ELAPOR2: variants seen among roughly 807,000 people sequenced by gnomAD.
ELAPOR2 encodes the protein endosome/lysosome-associated apoptosis and autophagy regulator family member 2.
ELAPOR2 carries 89 observed loss-of-function variants against 120.7 expected under a neutral mutation model. That is an observed-to-expected ratio of 0.74 (90% CI 0.62 to 0.88). The LOEUF (loss-of-function observed/expected upper bound fraction) is 0.88, where lower values mean the gene tolerates loss of function less well. Among genes scored for constraint, ELAPOR2 ranks in the 40% least tolerant of loss-of-function variants. The pLI is 0.00. For synonymous variants in ELAPOR2, 444 were observed against 444.9 expected, an observed-to-expected ratio of 1.00 and a Z score of 0.03; for missense variants, 1,134 against 1,251.6, an observed-to-expected ratio of 0.91 and a Z score of 1.42.
intron 1 of ELAPOR2, among the ~76,000 whole-genome samples, chr7:87,019,924 A>G (rs995515656): frequency 6.6e-6 from 1 of 152,328 alleles, no homozygotes; most frequent in Non-Finnish European, 1.5e-5. Context: ...ATTATGTTAC[A>G]CCAATATAAC....
At chr7:87,021,512 G>A (rs1461840508) in intron 1 of ELAPOR2, among the ~76,000 whole-genome samples, 1 of 147,328 alleles carries the variant, frequency 6.8e-6, no homozygotes, top group African/African-American at 2.7e-5. Context: ...TCTTAAAAAT[G>A]TGGGTTGTTT....
chr7:87,040,059 C>T (rs1310206082), intron 1 of ELAPOR2, among the ~76,000 whole-genome samples: 4 of 152,202 alleles, frequency 2.6e-5, no homozygotes, highest in South Asian at 2.1e-4. Flanking sequence ...TGCGCTTTTC[C>T]GACGGGCTTA....
chr7:87,023,207 T>A (rs1256321774), intron 1 of ELAPOR2, among the ~76,000 whole-genome samples: 1 of 152,228 alleles, frequency 6.6e-6, no homozygotes, highest in Non-Finnish European at 1.5e-5. Flanking sequence ...GGTCTAACAT[T>A]TAAGTCTTTA....
chr7:87,013,458 G>C (rs1793761569), intron 1 of ELAPOR2, among the ~76,000 whole-genome samples: 1 of 152,094 alleles, frequency 6.6e-6, no homozygotes, highest in Non-Finnish European at 1.5e-5. Context: ...AAATGCCCAG[G>C]GTTTTCTTAG....
At chr7:86,955,428 T>C (rs527735917) in intron 2 of ELAPOR2, among the ~76,000 whole-genome samples, 1 of 152,020 alleles carries the variant, frequency 6.6e-6, no homozygotes, top group Admixed American at 6.6e-5. Flanking sequence ...TGTCAAAACA[T>C]ACAAGGCAAC....
At chr7:86,925,232 T>C (rs1790013398) in intron 10 of ELAPOR2, among the ~76,000 whole-genome samples, 1 of 151,848 alleles carries the variant, frequency 6.6e-6, no homozygotes, top group African/African-American at 2.4e-5. Context: ...ATAGATTTCA[T>C]CCCCCTCCTT....
At chr7:86,974,585 G>GTGTGTT (rs1178781937) in intron 1 of ELAPOR2, among the ~76,000 whole-genome samples, 2 of 147,810 alleles carry the variant, frequency 1.4e-5, no homozygotes, top group African/African-American at 5.1e-5. Flanking sequence ...CCTGTAGTGT[G>GTGTGTT]TGTGTGTGTG....
chr7:87,028,524 T>C (rs1794322488), intron 1 of ELAPOR2, among the ~76,000 whole-genome samples: 1 of 152,064 alleles, frequency 6.6e-6, no homozygotes, highest in Non-Finnish European at 1.5e-5. Flanking sequence ...AAAATACATA[T>C]ATATAAATAT....
rs77391318 is a variant in ELAPOR2, at chr7:86,946,037, G to A, written c.507-991C>T. 8.8e-3 allele frequency among the ~76,000 whole-genome samples: 1,334 copies of A among 152,018 alleles called. 15 individuals carry two copies. The highest frequency in any genetic ancestry group is 0.031 in the African/African-American group (1,267 of 41,456). ...AATCAAATGACCAAAAAAAAGTAGA[G>A]AATGGGCAAAACAATTTGACTTCAC... On this transcript the variant is annotated intron_variant, in intron 3 of 21. Coordinates refer to ENST00000450689, the MANE Select transcript of ELAPOR2 (RefSeq NM_001142749.3).
Position 86,982,407 on chromosome 7 carries a change from T to C in ELAPOR2, c.190-17383A>G, listed in dbSNP as rs530934087. ...AGCCTTACTGGGAGATACCTCCCAGTAGGGGCCGACTGACACCTCATATAG... is the reference window on the plus strand; with the variant it reads ...AGCCTTACTGGGAGATACCTCCCAGCAGGGGCCGACTGACACCTCATATAG... On this transcript the variant is annotated intron_variant, in intron 1 of 21. Coordinates refer to ENST00000450689, the MANE Select transcript of ELAPOR2 (RefSeq NM_001142749.3). Among the ~76,000 whole-genome samples the C allele has an allele frequency of 1.4e-4, 21 of 152,304 alleles. No homozygotes were observed. The South Asian group carries it at 3.9e-3, about 29-fold the overall frequency.
chr7:87,040,278 G>A (rs1344062715), intron 1 of ELAPOR2, among the ~76,000 whole-genome samples: 3 of 152,270 alleles, frequency 2.0e-5, no homozygotes, highest in African/African-American at 7.2e-5. Context: ...CACAGCTCAA[G>A]GAGGCCTGCC....
chr7:87,010,485 A>G (rs1793620580), intron 1 of ELAPOR2, among the ~76,000 whole-genome samples: 1 of 152,210 alleles, frequency 6.6e-6, no homozygotes, highest in Non-Finnish European at 1.5e-5. Flanking sequence ...ATTTCTATGC[A>G]TTTCTACTGA....
At chr7:87,041,999 CA>C (rs1368222020) in intron 1 of ELAPOR2, among the ~76,000 whole-genome samples, 2 of 151,272 alleles carry the variant, frequency 1.3e-5, no homozygotes, top group Non-Finnish European at 2.9e-5. Flanking sequence ...CAACAAAGAT[CA>C]AAAGAGACAA....
chr7:86,977,542 C>G (rs1317490805), intron 1 of ELAPOR2, among the ~76,000 whole-genome samples: 1 of 152,162 alleles, frequency 6.6e-6, no homozygotes, highest in African/African-American at 2.4e-5. Context: ...TACCATAACA[C>G]CACCCTGTCT....
chr7:87,010,016 G>A (rs1583986998), intron 1 of ELAPOR2, among the ~76,000 whole-genome samples: 2 of 152,222 alleles, frequency 1.3e-5, no homozygotes, highest in African/African-American at 4.8e-5. Flanking sequence ...AAAAGTCCAA[G>A]TTCAAACCAT....
rs576126982 is a variant in ELAPOR2, at chr7:86,956,895, A to G, written c.310+8009T>C. Among the ~76,000 whole-genome samples the G allele has an allele frequency of 1.8e-4, 28 of 152,282 alleles. 1 individual carries two copies. Among genetic ancestry groups the G allele is most frequent in the Admixed American group, 1.6e-3 (25 of 15,296 alleles). ...GTGAAATCAGTTTTCTCAACTTTCAATTATGCCCTACCACTTCGATTCTTA... is the reference window on the plus strand; with the variant it reads ...GTGAAATCAGTTTTCTCAACTTTCAGTTATGCCCTACCACTTCGATTCTTA... On this transcript the variant is annotated intron_variant, in intron 2 of 21. Coordinates refer to ENST00000450689, the MANE Select transcript of ELAPOR2 (RefSeq NM_001142749.3).
chr7:86,937,255 A>T (rs1279758156), intron 8 of ELAPOR2, among the ~76,000 whole-genome samples: 1 of 152,082 alleles, frequency 6.6e-6, no homozygotes, highest in Non-Finnish European at 1.5e-5. Context: ...AATATTCCTT[A>T]AAAAAACTTA....
intron 1 of ELAPOR2, among the ~76,000 whole-genome samples, chr7:87,012,394 G>C (rs1269812262): frequency 2.0e-5 from 3 of 152,118 alleles, no homozygotes; most frequent in Non-Finnish European, 2.9e-5. Context: ...TGGTGACAGA[G>C]TGAGACTCCT....
intron 1 of ELAPOR2, among the ~76,000 whole-genome samples, chr7:86,999,544 T>C (rs1454813270): frequency 6.6e-6 from 1 of 152,152 alleles, no homozygotes; most frequent in Non-Finnish European, 1.5e-5. Context: ...AGTAGGAAAT[T>C]AGGTCAATTA....
Sources: allele counts gnomAD v4.1 joint callset (sites outside exome capture counted in the v4.1 genomes callset), GRCh38; gene constraint gnomAD v4.1.1; transcripts MANE v1.5; gene names NCBI Gene and HGNC (gene_info 2026-07-23, HGNC 2026-07-21).